Variants in RGS9 observed in about 807,000 individuals in gnomAD.
The protein encoded by RGS9 is regulator of G protein signaling 9.
Under a neutral mutation model 102.0 loss-of-function variants are expected in RGS9, and 78 were observed. The observed-to-expected ratio is 0.76, with a 90% CI of 0.64 to 0.92. The LOEUF is 0.92. Ranked by LOEUF, RGS9 falls within the 40% of genes least tolerant of loss-of-function variation. The pLI, the probability that RGS9 is intolerant of heterozygous loss-of-function variation, is 0.00. For synonymous variants in RGS9, 353 were observed against 318.6 expected, an observed-to-expected ratio of 1.11 and a Z score of -1.15; for missense variants, 833 against 866.1, an observed-to-expected ratio of 0.96 and a Z score of 0.48.
chr17:65,163,045 C>T lies in RGS9; in HGVS notation c.456C>T (p.Asn152=). ...ACAATTTCTTGAACCAAAAAATGAA[C>T]TATAAGTGGGACTTTGTCATTATGC... The part of the protein sequence containing the change: ...ENYNFLNQKM[N]YKWDFVIMQA... The change falls in exon 7 of 19, where the codon AAC becomes AAT. Residue 152 remains asparagine, a synonymous_variant. Transcript: ENST00000262406. 1 of 1,602,176 alleles carries T rather than the reference C, an allele frequency of 6.2e-7. No individual in the cohort carries two copies. Among genetic ancestry groups the T allele is most frequent in the Non-Finnish European group, 8.5e-7 (1 of 1,170,296 alleles).
At chr17:65,207,129 G>A (rs1419019595) in intron 15 of RGS9, among the ~76,000 whole-genome samples, 1 of 152,160 alleles carries the variant, frequency 6.6e-6, no homozygotes, top group African/African-American at 2.4e-5. Context: ...CGCGTTGGTT[G>A]TTTTTGTTTT....
intron 2 of RGS9, among the ~76,000 whole-genome samples, chr17:65,156,541 T>C (rs1910774275): frequency 6.6e-6 from 1 of 152,230 alleles, no homozygotes; most frequent in South Asian, 2.1e-4. Context: ...ATTTAACTTC[T>C]TGGACGGCAG....
chr17:65,176,750 T>TCCAC (rs1205754117), intron 8 of RGS9, among the ~76,000 whole-genome samples: 3 of 133,038 alleles, frequency 2.3e-5, no homozygotes, highest in East Asian at 2.1e-4. Flanking sequence ...CATCCATCCA[T>TCCAC]CCACCCATCC....
intron 17 of RGS9, among the ~76,000 whole-genome samples, chr17:65,214,888 C>A (rs1436353106): frequency 6.6e-6 from 1 of 152,256 alleles, no homozygotes; most frequent in Non-Finnish European, 1.5e-5. Context: ...CCATCCACCC[C>A]TGGCTGATTT....
intron 9 of RGS9, among the ~76,000 whole-genome samples, chr17:65,181,131 C>T (rs1044148340): frequency 1.3e-5 from 2 of 152,118 alleles, no homozygotes; most frequent in African/African-American, 4.8e-5. Flanking sequence ...GTCTTTATGA[C>T]GGAATGATTT....
At chr17:65,170,289 G>A (rs60008772) in intron 8 of RGS9, among the ~76,000 whole-genome samples, 12,315 of 152,030 alleles carry the variant, frequency 0.081, 1,105 homozygotes, top group East Asian at 0.37. Flanking sequence ...TCCTGACCTC[G>A]TGATCTGCCT....
intron 10 of RGS9, 53 bp downstream of exon 10, chr17:65,189,368 T>G: frequency 2.9e-6 from 4 of 1,373,296 alleles, no homozygotes; most frequent in Non-Finnish European, 4.2e-6. Context: ...TCTAACAGGT[T>G]ATATGTACTT....
At chr17:65,196,754 G>T (rs1912602790) in intron 12 of RGS9, among the ~76,000 whole-genome samples, 3 of 152,224 alleles carry the variant, frequency 2.0e-5, no homozygotes, top group Non-Finnish European at 2.9e-5. Context: ...TGCTGCTCCA[G>T]AATTCTCTCC....
Position 65,197,672 on chromosome 17 carries a change from CT to C in RGS9, c.976+443del, listed in dbSNP as rs994682411. Among the ~76,000 whole-genome samples the C allele has an allele frequency of 4.2e-4, 62 of 147,236 alleles. 1 individual carries two copies. The highest frequency in any genetic ancestry group is 6.6e-4 in the African/African-American group (27 of 40,622). ...GATTTTCTTTTTTCTTTGTTTCTTT[CT>C]TTTTTTTTTTTCTGGAGACAGAGTC... On this transcript the variant is annotated intron_variant, in intron 13 of 18. Transcript: ENST00000262406.
In RGS9 at chr17:65,160,973, T is replaced by G. The variant is rs1003449487; in HGVS notation, c.423+64T>G. ...GTGGAAGATAGTTTTGAGCTGTACT[T>G]TCCTCATTCCCACATCACTACATTC... is the stretch of plus-strand genomic sequence containing the variant. On this transcript the variant is annotated intron_variant, in intron 6 of 18. Transcript: ENST00000262406. The G allele has an allele frequency of 1.6e-5, 22 of 1,333,542 alleles. No homozygotes were observed. In the Middle Eastern group the frequency reaches 5.4e-4, roughly 33 times the overall value. The allele number at this position is 1,333,542 out of a possible 1,614,324, so 82.6% of individuals were successfully genotyped here.
intron 17 of RGS9, among the ~76,000 whole-genome samples, chr17:65,221,136 G>A (rs987026015): frequency 2.0e-5 from 3 of 152,168 alleles, no homozygotes; most frequent in Non-Finnish European, 4.4e-5. Flanking sequence ...CAGAAGAAAG[G>A]ACCATCTCAG....
intron 9 of RGS9, among the ~76,000 whole-genome samples, chr17:65,179,114 C>T (rs1325456971): frequency 6.6e-6 from 1 of 152,042 alleles, no homozygotes; most frequent in African/African-American, 2.4e-5. Context: ...GCCTAGGGTG[C>T]ATCTATAGGG....
intron 15 of RGS9, among the ~76,000 whole-genome samples, chr17:65,205,182 G>A (rs1441815013): frequency 6.6e-6 from 1 of 152,228 alleles, no homozygotes; most frequent in African/African-American, 2.4e-5. Flanking sequence ...CGGAGGCTCA[G>A]AGTTAGCCTT....
intron 17 of RGS9, among the ~76,000 whole-genome samples, chr17:65,223,493 C>T (rs2144131541): frequency 6.6e-6 from 1 of 152,374 alleles, no homozygotes; most frequent in South Asian, 2.1e-4. Context: ...GGTGCGCCTG[C>T]CCTTCCCTGT....
chr17:65,213,164 G>T (rs1387839285), intron 17 of RGS9, among the ~76,000 whole-genome samples: 1 of 104,198 alleles, frequency 9.6e-6, no homozygotes, highest in Non-Finnish European at 1.8e-5. Flanking sequence ...CTGGGAACCC[G>T]GGCTGGGGCA....
At position 65,193,581 on chromosome 17, in the gene RGS9, C is replaced by A. The variant is rs775975582; in HGVS notation, c.785C>A (p.Ala262Asp). 1.9e-6 allele frequency: 3 copies of A among 1,613,614 alleles called. No homozygotes were observed. The highest frequency in any genetic ancestry group is 1.3e-5 in the African/African-American group (1 of 74,908). ...KYSEQFSSNDAIMSGCLPSNP... is the reference protein window; with the variant it reads ...KYSEQFSSNDDIMSGCLPSNP... ...AGTGAGCAGTTCTCATCCAACGATGCCATCATGTCAGGCTGCCTCCCCAGC... is the reference window on the plus strand; with the variant it reads ...AGTGAGCAGTTCTCATCCAACGATGACATCATGTCAGGCTGCCTCCCCAGC... Residue 262 changes from alanine to aspartate, a missense_variant, in exon 12 of 19, where the codon GCC becomes GAC. Ala to Asp is a moderately radical substitution (Grantham distance 126). Around this residue, in one of 3 missense-constraint regions of RGS9, gnomAD observed 328 missense variants for 340.6 expected, o/e 0.96. Coordinates refer to ENST00000262406, the MANE Select transcript of RGS9 (RefSeq NM_003835.4).
At chr17:65,207,899 T>G (rs749463920) in intron 15 of RGS9, 23 bp from the exon 16 acceptor site, 2 of 1,547,482 alleles carry the variant, frequency 1.3e-6, no homozygotes, top group South Asian at 2.2e-5. Context: ...TCATAATTAC[T>G]GTTGTTTTCT....
At chr17:65,193,506 CG>C in intron 11 of RGS9, 36 bp from the exon 12 acceptor site, 1 of 1,354,684 alleles carries the variant, frequency 7.4e-7, no homozygotes, top group Non-Finnish European at 1.1e-6. Context: ...TCTTGGGTGT[CG>C]AGCTTCTAGG....
At position 65,225,659 on chromosome 17, in the gene RGS9, C is replaced by T. The variant is rs1905632573; in HGVS notation, c.1892+173C>T. ...AGATATTCAGAAACTCAGTTTTGTCCTCTGCTGTCCTCCCGAGGGAGAAGG... is the reference window on the plus strand; with the variant it reads ...AGATATTCAGAAACTCAGTTTTGTCTTCTGCTGTCCTCCCGAGGGAGAAGG... On this transcript the variant is annotated intron_variant, in intron 18 of 18. Transcript: ENST00000262406. 7 of 812,424 alleles carry T rather than the reference C, an allele frequency of 8.6e-6. No individual in the cohort carries two copies. The South Asian group carries it at 1.1e-4, about 13-fold the overall frequency. The allele number at this position is 812,424 out of a possible 1,614,324, so 50.3% of individuals were successfully genotyped here.
Sources: allele counts gnomAD v4.1 joint callset (sites outside exome capture counted in the v4.1 genomes callset), GRCh38; gene constraint gnomAD v4.1.1; regional missense constraint gnomAD v4.1.1; transcripts MANE v1.5; gene names NCBI Gene and HGNC (gene_info 2026-07-23, HGNC 2026-07-21).